The following FKBP5 variants were observed in gnomAD, a reference collection of about 807,000 sequenced individuals.
The protein encoded by FKBP5 is FKBP prolyl isomerase 5, also known as peptidyl-prolyl cis-trans isomerase FKBP5.
Under a neutral mutation model 50.5 loss-of-function variants are expected in FKBP5, and 23 were observed. That is an observed-to-expected ratio of 0.46 (90% CI 0.33 to 0.65). The LOEUF (loss-of-function observed/expected upper bound fraction) is 0.65, where lower values mean the gene tolerates loss of function less well. Ranked by LOEUF, FKBP5 falls within the 30% of genes least tolerant of loss-of-function variation. The pLI is 0.02. For synonymous variants in FKBP5, 176 were observed against 190.6 expected (o/e 0.92, Z 0.63); for missense variants, 411 against 553.1 (o/e 0.74, Z 2.58).
At chr6:35,705,207 T>C (rs1429228596) in intron 2 of FKBP5, among the ~76,000 whole-genome samples, 1 of 118,060 alleles carries the variant, frequency 8.5e-6, no homozygotes, top group African/African-American at 3.2e-5. Flanking sequence ...TATATATATA[T>C]GTACAAATAT....
intron 2 of FKBP5, among the ~76,000 whole-genome samples, chr6:35,641,600 T>C (rs1764491856): frequency 6.6e-6 from 1 of 152,232 alleles, no homozygotes; most frequent in Non-Finnish European, 1.5e-5. Flanking sequence ...GGTGAATGAC[T>C]GTATAGTGCT....
chr6:35,620,364 T>C, intron 3 of FKBP5, 90 bp from the exon 4 acceptor site: 2 of 1,326,352 alleles, frequency 1.5e-6, no homozygotes. Flanking sequence ...TTCCAGTTTT[T>C]CATACTACAT....
chr6:35,597,730 T>C (rs1321735760), intron 5 of FKBP5, among the ~76,000 whole-genome samples: 1 of 152,218 alleles, frequency 6.6e-6, no homozygotes, highest in Non-Finnish European at 1.5e-5. Flanking sequence ...CAAGAGATGC[T>C]GAATTATTTA....
chr6:35,631,030 G>A (rs915733126), intron 3 of FKBP5, among the ~76,000 whole-genome samples: 1 of 152,116 alleles, frequency 6.6e-6, no homozygotes, highest in African/African-American at 2.4e-5. Context: ...ACATACAAAT[G>A]CCCACTAGGC....
intron 6 of FKBP5, among the ~76,000 whole-genome samples, chr6:35,592,237 T>C (rs913132750): frequency 6.6e-6 from 1 of 152,234 alleles, no homozygotes; most frequent in African/African-American, 2.4e-5. Flanking sequence ...AAAACCGACT[T>C]AATCTAATAC....
At chr6:35,724,110 T>C (rs1308251976) in intron 1 of FKBP5, among the ~76,000 whole-genome samples, 2 of 152,178 alleles carry the variant, frequency 1.3e-5, no homozygotes, top group Admixed American at 6.5e-5. Context: ...ATAATGGTGG[T>C]GCTTTCTCCC....
At chr6:35,679,807 G>T (rs1765619330) in intron 1 of FKBP5, among the ~76,000 whole-genome samples, 1 of 151,824 alleles carries the variant, frequency 6.6e-6, no homozygotes. Flanking sequence ...CTACATATTG[G>T]GTAAAATGTG....
At chr6:35,616,657 G>A (rs73748204) in intron 5 of FKBP5, among the ~76,000 whole-genome samples, 4,304 of 152,206 alleles carry the variant, frequency 0.028, 68 homozygotes, top group Middle Eastern at 0.051. Flanking sequence ...AATTTAGTCT[G>A]CTCTAAAGTC....
chr6:35,580,055 G>A lies in FKBP5; in HGVS notation c.1007C>T (p.Ala336Val), dbSNP rs768455893. The change falls in exon 9 of 11, where the codon GCT (alanine) becomes GTT (valine). Residue 336 changes from alanine (A) to valine (V), a missense_variant. Ala to Val is a moderately conservative substitution (Grantham distance 64). Coordinates refer to ENST00000357266, the MANE Select transcript of FKBP5 (RefSeq NM_004117.4). ...CYLKLREYTK[A>V]VECCDKALGL... is the part of the protein sequence containing the mutation. Reference sequence around the variant, plus strand: ...TGTTACCTTGTCACAGCATTCAACAGCTTTGGTGTATTCTCTAAGCTTCAG... The same window carrying A: ...TGTTACCTTGTCACAGCATTCAACAACTTTGGTGTATTCTCTAAGCTTCAG... 1 of 1,614,010 alleles carries A rather than the reference G, an allele frequency of 6.2e-7. No individual in the cohort carries two copies. Among genetic ancestry groups the A allele is most frequent in the Admixed American group, 1.7e-5 (1 of 60,016 alleles).
At chr6:35,644,731 C>A (rs1012561067) in intron 1 of FKBP5, among the ~76,000 whole-genome samples, 88 of 152,310 alleles carry the variant, frequency 5.8e-4, no homozygotes, top group African/African-American at 1.9e-3. Flanking sequence ...TGGTTCCCAG[C>A]TTCTAGAAAC....
At position 35,575,827 on chromosome 6, in the gene FKBP5, G is replaced by A; in HGVS notation, c.*8C>T. The A allele has an allele frequency of 6.3e-7, 1 of 1,590,056 alleles. No homozygotes were observed. Among genetic ancestry groups the A allele is most frequent in the Non-Finnish European group, 8.6e-7 (1 of 1,158,038 alleles). ...GTTCACTGGGACTCTTCCCTCCTTG[G>A]CGTGGCGTCATACGTGGCCCTCAGG... On this transcript the variant is annotated 3_prime_UTR_variant, in exon 11 of 11. Coordinates refer to ENST00000357266, the MANE Select transcript of FKBP5 (RefSeq NM_004117.4).
At chr6:35,624,047 C>G (rs1036774166) in intron 3 of FKBP5, among the ~76,000 whole-genome samples, 11 of 152,060 alleles carry the variant, frequency 7.2e-5, no homozygotes, top group Admixed American at 1.3e-4. Flanking sequence ...GTTGCTCAGG[C>G]TGGACTCAAA....
intron 3 of FKBP5, among the ~76,000 whole-genome samples, chr6:35,636,136 A>C (rs1764303568): frequency 6.6e-6 from 1 of 152,208 alleles, no homozygotes; most frequent in Non-Finnish European, 1.5e-5. Context: ...CAGATCTTCC[A>C]AATGTGGACA....
chr6:35,642,668 AT>A, intron 2 of FKBP5, 51 bp downstream of exon 2: 1 of 1,419,854 alleles, frequency 7.0e-7, no homozygotes, highest in Non-Finnish European at 9.9e-7. Context: ...AGATGCTATA[AT>A]CTTTCCAGAC....
chr6:35,623,870 CCAT>C (rs1236915921), intron 3 of FKBP5, among the ~76,000 whole-genome samples: 1 of 151,882 alleles, frequency 6.6e-6, no homozygotes, highest in African/African-American at 2.4e-5. Flanking sequence ...GTGAATACCA[CCAT>C]GATTTTCTGT....
chr6:35,590,293 C>T (rs1275091570), intron 7 of FKBP5, among the ~76,000 whole-genome samples: 3 of 151,520 alleles, frequency 2.0e-5, no homozygotes, highest in Non-Finnish European at 4.4e-5. Context: ...AGAGTGAGAC[C>T]CTATCTCAAA....
intron 1 of FKBP5, among the ~76,000 whole-genome samples, chr6:35,659,858 C>CT (rs1765043525): frequency 1.2e-5 from 1 of 84,152 alleles, no homozygotes; most frequent in African/African-American, 3.7e-5. Context: ...TACTAGTTTT[C>CT]TTTTTTTCTA....
intron 2 of FKBP5, among the ~76,000 whole-genome samples, chr6:35,713,223 G>A (rs752832564): frequency 6.6e-6 from 1 of 152,040 alleles, no homozygotes; most frequent in Non-Finnish European, 1.5e-5. Context: ...GAGTGAGGAG[G>A]ATGTGGCTCA....
rs538841110 is a variant in FKBP5 at position 35,704,880 on chromosome 6, A to G, written c.-20+15448T>C. ...CTGCTGGCCGGGCGCGGTGGCTCAC[A>G]CCTGTAATCCCAGCACTTTGGGAGG... On this transcript the variant is annotated intron_variant, in intron 2 of 11. Coordinates refer to the FKBP5 transcript ENST00000536438. Among the ~76,000 whole-genome samples, 3 of 151,802 alleles carry G rather than the reference A, an allele frequency of 2.0e-5. No individual in the cohort carries two copies. The South Asian group carries it at 6.2e-4, about 32-fold the overall frequency.
Sources: gnomAD v4.1 joint callset for allele counts (sites outside exome capture counted in the v4.1 genomes callset) on GRCh38, gnomAD v4.1.1 for gene constraint, MANE v1.5 for transcripts, NCBI Gene and HGNC (gene_info 2026-07-23, HGNC 2026-07-21) for gene names.